FOLH1: variants seen among roughly 807,000 people sequenced by gnomAD.
The protein encoded by FOLH1 is glutamate carboxypeptidase 2.
FOLH1 carries 54 observed loss-of-function variants against 93.9 expected under a neutral mutation model. The observed-to-expected ratio is 0.57, with a 90% confidence interval of 0.46 to 0.72. FOLH1 has a LOEUF of 0.72. FOLH1 is among the 30% of genes least tolerant of loss of function. FOLH1 has a pLI of 0.00. For missense variants in FOLH1, 571 were observed against 892.5 expected (o/e 0.64, Z 4.59); for synonymous variants, 249 against 303.6 (o/e 0.82, Z 1.87).
At chr11:49,157,444 C>G (rs1281511166) in intron 14 of FOLH1, among the ~76,000 whole-genome samples, 1 of 151,764 alleles carries the variant, frequency 6.6e-6, no homozygotes, top group Non-Finnish European at 1.5e-5. Flanking sequence ...TTCATGCACC[C>G]CAAAAATAAA....
chr11:49,202,791 T>C (rs1863425671), intron 2 of FOLH1, among the ~76,000 whole-genome samples: 1 of 152,224 alleles, frequency 6.6e-6, no homozygotes, highest in Non-Finnish European at 1.5e-5. Flanking sequence ...CACGGTGGCA[T>C]GTGCCTGTAG....
chr11:49,177,785 T>A (rs370644196), intron 7 of FOLH1, among the ~76,000 whole-genome samples: 120 of 104,006 alleles, frequency 1.2e-3, no homozygotes, highest in African/African-American at 1.7e-3. Flanking sequence ...CCGTCTCTAC[T>A]AAAAAAAAAA....
Position 49,148,625 on chromosome 11 carries a change from TTTTCTTTTCTTAC to T in FOLH1, c.2063+1_2063+13del. 6.5e-7 allele frequency: 1 copy of T among 1,546,926 alleles called. No individual in the cohort carries two copies. The highest frequency in any genetic ancestry group is 8.8e-7 in the Non-Finnish European group (1 of 1,141,866). ...AGTGATATTACAGAAAGGAGTCATA[TTTTCTTTTCTTAC>T]CTATAAAAAGGCCTGTCTGGTAACC... On this transcript the variant is annotated splice_donor_variant and splice_donor_5th_base_variant and intron_variant, in intron 18 of 18. Coordinates refer to ENST00000256999, the MANE Select transcript of FOLH1 (RefSeq NM_004476.3). LOFTEE classifies it high-confidence loss of function.
At chr11:49,195,765 A>C (rs1318943614) in intron 3 of FOLH1, among the ~76,000 whole-genome samples, 7 of 152,212 alleles carry the variant, frequency 4.6e-5, no homozygotes, top group Non-Finnish European at 1.0e-4. Context: ...AAAGATAAGA[A>C]AATACTAGGA....
chr11:49,160,181 T>C (rs954966788), intron 13 of FOLH1, among the ~76,000 whole-genome samples: 1 of 152,182 alleles, frequency 6.6e-6, no homozygotes, highest in African/African-American at 2.4e-5. Flanking sequence ...TTCCCCCTTA[T>C]CATTTCTGAC....
intron 12 of FOLH1, among the ~76,000 whole-genome samples, chr11:49,165,538 T>A (rs1418300537): frequency 1.3e-5 from 2 of 150,988 alleles, no homozygotes; most frequent in African/African-American, 2.4e-5. Flanking sequence ...TCAGGAGGAG[T>A]TTTGGGGGAG....
chr11:49,151,112 A>G lies in FOLH1; in HGVS notation c.1971-2381T>C, dbSNP rs142794788. On this transcript the variant is annotated intron_variant, in intron 17 of 18. Coordinates refer to ENST00000256999, the MANE Select transcript of FOLH1 (RefSeq NM_004476.3). ...TTTTAGAGTGAAATAGGAGATTGATATTGTTCTTTCAACTGCACCTTGCCG... is the reference window on the plus strand; with the variant it reads ...TTTTAGAGTGAAATAGGAGATTGATGTTGTTCTTTCAACTGCACCTTGCCG... Among the ~76,000 whole-genome samples, 3 of 152,328 alleles carry G rather than the reference A, an allele frequency of 2.0e-5. No homozygotes were observed. In the East Asian group the frequency reaches 5.8e-4, roughly 29 times the overall value.
At chr11:49,168,635 T>A (rs1858767570) in intron 12 of FOLH1, among the ~76,000 whole-genome samples, 1 of 152,200 alleles carries the variant, frequency 6.6e-6, no homozygotes, top group Non-Finnish European at 1.5e-5. Flanking sequence ...CACGCCCGGC[T>A]AATTTTTGCA....
rs1855757908 is a variant in FOLH1, at chr11:49,145,909, A to G, written c.*847T>C. 6.6e-6 allele frequency among the ~76,000 whole-genome samples: 1 copy of G among 152,196 alleles called. No homozygotes were observed. The highest frequency in any genetic ancestry group is 2.4e-5 in the African/African-American group (1 of 41,456). On this transcript the variant is annotated 3_prime_UTR_variant, in exon 19 of 19. Transcript: ENST00000256999. ...GCAAAATATGGCAAACTACAGCCACAGTGATAATATATTTGAACCCTTAAA... is the reference window on the plus strand; with the variant it reads ...GCAAAATATGGCAAACTACAGCCACGGTGATAATATATTTGAACCCTTAAA...
chr11:49,172,632 A>G (rs994245373), intron 10 of FOLH1, among the ~76,000 whole-genome samples: 7 of 152,190 alleles, frequency 4.6e-5, no homozygotes, highest in Non-Finnish European at 7.4e-5. Flanking sequence ...AACAACATAC[A>G]TTATTGTTTT....
At chr11:49,205,537 C>G (rs1863817722) in intron 2 of FOLH1, among the ~76,000 whole-genome samples, 1 of 152,166 alleles carries the variant, frequency 6.6e-6, no homozygotes, top group Non-Finnish European at 1.5e-5. Context: ...AATTCTAACT[C>G]AAAGTCCATT....
chr11:49,186,045 C>T (rs1045894967), intron 5 of FOLH1, 190 bp from the exon 6 acceptor site: 1 of 856,630 alleles, frequency 1.2e-6, no homozygotes, highest in East Asian at 3.3e-5. Context: ...TCTAAAAATC[C>T]TCAGAACATC....
chr11:49,165,537 G>C (rs1858279206), intron 12 of FOLH1, among the ~76,000 whole-genome samples: 1 of 152,190 alleles, frequency 6.6e-6, no homozygotes, highest in African/African-American at 2.4e-5. Flanking sequence ...CTCAGGAGGA[G>C]TTTTGGGGGA....
intron 15 of FOLH1, among the ~76,000 whole-genome samples, chr11:49,154,987 A>G (rs759264878): frequency 2.0e-5 from 3 of 152,060 alleles, no homozygotes; most frequent in Non-Finnish European, 4.4e-5. Context: ...TGAGGGGTGC[A>G]GTAGTGGATC....
intron 12 of FOLH1, among the ~76,000 whole-genome samples, chr11:49,165,790 A>G (rs1482741416): frequency 6.6e-6 from 1 of 152,218 alleles, no homozygotes; most frequent in East Asian, 1.9e-4. Flanking sequence ...ACCACAACAG[A>G]ATTGTTTATG....
intron 7 of FOLH1, among the ~76,000 whole-genome samples, chr11:49,180,571 T>G (rs1230645057): frequency 6.6e-6 from 1 of 152,188 alleles, no homozygotes; most frequent in Non-Finnish European, 1.5e-5. Flanking sequence ...TCATGATATA[T>G]TCCATTTGTA....
intron 12 of FOLH1, among the ~76,000 whole-genome samples, chr11:49,165,119 G>A (rs1456463531): frequency 6.6e-6 from 1 of 152,130 alleles, no homozygotes; most frequent in African/African-American, 2.4e-5. Context: ...ATGTTTTTCT[G>A]AGAGATTTCC....
At position 49,175,865 on chromosome 11, in the gene FOLH1, GAA is replaced by G; in HGVS notation, c.1011_1012del (p.Ser338TyrfsTer13). 6.2e-7 allele frequency: 1 copy of G among 1,613,146 alleles called. No homozygotes were observed. The highest frequency in any genetic ancestry group is 8.5e-7 in the Non-Finnish European group (1 of 1,179,530). On this transcript the variant is annotated frameshift_variant, in exon 8 of 19. Transcript: ENST00000256999. ...ATTAAAATAGTCTCTTAACTGTGTA[GAA>G]AAGTTTCCAGTAAAGCCAGGTCCAA...
chr11:49,191,728 C>T (rs1315544088), intron 4 of FOLH1, among the ~76,000 whole-genome samples: 2 of 133,876 alleles, frequency 1.5e-5, no homozygotes, highest in South Asian at 4.9e-4. Context: ...GATGGAGTCT[C>T]GCTCTGTCAC....
Sources: gnomAD v4.1 joint callset for allele counts (sites outside exome capture counted in the v4.1 genomes callset) on GRCh38, gnomAD v4.1.1 for gene constraint, MANE v1.5 for transcripts, NCBI Gene and HGNC (gene_info 2026-07-23, HGNC 2026-07-21) for gene names.